The following TEK variants were observed in gnomAD, a reference collection of about 807,000 sequenced individuals.
TEK encodes angiopoietin-1 receptor.
TEK carries 43 observed loss-of-function variants against 131.8 expected under a neutral mutation model. The observed-to-expected ratio is 0.33, with a 90% confidence interval of 0.26 to 0.42. TEK has a LOEUF of 0.42. Among genes scored for constraint, TEK ranks in the 10% least tolerant of loss-of-function variants. TEK has a pLI of 1.00. For missense variants in TEK, 1,162 were observed against 1,384.4 expected (o/e 0.84, Z 2.55); for synonymous variants, 580 against 491.6 (o/e 1.18, Z -2.38).
intron 1 of TEK, among the ~76,000 whole-genome samples, chr9:27,135,762 TA>T (rs61087752): frequency 0.52 from 78,515 of 151,684 alleles, 21,296 homozygotes; most frequent in African/African-American, 0.57. Flanking sequence ...CTTCCTGGTC[TA>T]TCTCAGAGCA....
In TEK at chr9:27,212,826, C is replaced by T; in HGVS notation, c.2806C>T (p.Leu936=). The change falls in exon 17 of 23, where the codon CTG becomes TTG. Residue 936 remains leucine (L), a synonymous_variant. Coordinates refer to ENST00000380036, the MANE Select transcript of TEK (RefSeq NM_000459.5). ...FAIANSTAST[L]SSQQLLHFAA... ...CATTGCCAATAGCACCGCGTCCACA[C>T]TGTCCTCCCAGCAGCTCCTTCACTT... 1.2e-6 allele frequency: 2 copies of T among 1,614,202 alleles called. No homozygotes were observed. Among genetic ancestry groups the T allele is most frequent in the Non-Finnish European group, 8.5e-7 (1 of 1,180,024 alleles).
At chr9:27,119,143 T>C (rs1226274110) in intron 1 of TEK, among the ~76,000 whole-genome samples, 1 of 152,150 alleles carries the variant, frequency 6.6e-6, no homozygotes, top group Non-Finnish European at 1.5e-5. Flanking sequence ...ACCACATGTC[T>C]CAGTAGGAAA....
At chr9:27,166,825 C>T (rs1823748727) in intron 2 of TEK, among the ~76,000 whole-genome samples, 1 of 152,162 alleles carries the variant, frequency 6.6e-6, no homozygotes, top group African/African-American at 2.4e-5. Context: ...GAGCTCCTGT[C>T]TTTTAACATA....
rs147455021 is a variant in TEK at position 27,127,609 on chromosome 9, C to T, written c.52+17967C>T. On this transcript the variant is annotated intron_variant, in intron 1 of 22. Transcript: ENST00000380036. ...TAAACTCCCACCAACAGTGTAAAAACGTTCCTATTTCTCCATATCCTCCAG... is the reference window on the plus strand; with the variant it reads ...TAAACTCCCACCAACAGTGTAAAAATGTTCCTATTTCTCCATATCCTCCAG... 2.6e-3 allele frequency among the ~76,000 whole-genome samples: 403 copies of T among 152,254 alleles called. 1 individual carries two copies. Among genetic ancestry groups the T allele is most frequent in the African/African-American group, 9.1e-3 (379 of 41,550 alleles).
chr9:27,209,067 T>A (rs778356269), intron 15 of TEK, 54 bp from the exon 16 acceptor site: 15 of 1,284,612 alleles, frequency 1.2e-5, no homozygotes, highest in Non-Finnish European at 1.7e-5. Context: ...ACGGGACAGC[T>A]GATTCTGAAA....
intron 15 of TEK, among the ~76,000 whole-genome samples, chr9:27,208,370 A>T (rs939808511): frequency 6.6e-6 from 1 of 151,864 alleles, no homozygotes; most frequent in South Asian, 2.1e-4. Flanking sequence ...AAGCAGCCAT[A>T]GCTCATTGTC....
At chr9:27,122,352 CAG>C (rs1314408087) in intron 1 of TEK, among the ~76,000 whole-genome samples, 1 of 152,014 alleles carries the variant, frequency 6.6e-6, no homozygotes, top group Non-Finnish European at 1.5e-5. Flanking sequence ...GAAGGGAGAA[CAG>C]GATTATGGAA....
intron 1 of TEK, among the ~76,000 whole-genome samples, chr9:27,152,584 T>C (rs1421579135): frequency 1.4e-5 from 2 of 138,330 alleles, no homozygotes; most frequent in East Asian, 4.0e-4. Flanking sequence ...TAAAATCTTA[T>C]ATGAAGCCCC....
intron 8 of TEK, 23 bp downstream of exon 8, chr9:27,183,633 C>T (rs1201345508): frequency 8.1e-6 from 13 of 1,613,518 alleles, no homozygotes; most frequent in Non-Finnish European, 1.1e-5. Context: ...CTTAATTTGC[C>T]CTTCTTAAAG....
In TEK at chr9:27,173,377, C is replaced by T; in HGVS notation, c.901+15C>T. On this transcript the variant is annotated intron_variant, in intron 6 of 22. Transcript: ENST00000380036. ...GTGCAATGAAGGTATGCACCAATCA[C>T]ACCCTTGGACAGAGGATGTTCTAGC... is the stretch of plus-strand genomic sequence containing the variant. 6.2e-7 allele frequency: 1 copy of T among 1,613,696 alleles called. No individual in the cohort carries two copies. The highest frequency in any genetic ancestry group is 8.5e-7 in the Non-Finnish European group (1 of 1,179,736).
intron 1 of TEK, among the ~76,000 whole-genome samples, chr9:27,124,189 T>C (rs1821903232): frequency 6.6e-6 from 1 of 152,266 alleles, no homozygotes; most frequent in South Asian, 2.1e-4. Context: ...TATCAGTTAG[T>C]TGTTGCCATG....
intron 21 of TEK, among the ~76,000 whole-genome samples, chr9:27,227,090 A>AACTT (rs1826365152): frequency 6.6e-6 from 1 of 152,174 alleles, no homozygotes; most frequent in Non-Finnish European, 1.5e-5. Context: ...GTCTTTAAGA[A>AACTT]ACTTATGTTA....
chr9:27,217,652 T>A, intron 18 of TEK, 36 bp from the exon 19 acceptor site: 1 of 1,603,808 alleles, frequency 6.2e-7, no homozygotes, highest in Non-Finnish European at 8.5e-7. Flanking sequence ...AAAGACCCTG[T>A]CCCAGTTAAG....
chr9:27,196,188 C>T (rs1268868980), intron 11 of TEK, among the ~76,000 whole-genome samples: 1 of 152,212 alleles, frequency 6.6e-6, no homozygotes, highest in African/African-American at 2.4e-5. Context: ...CTATCCTTCA[C>T]CATTGTAGAC....
chr9:27,166,396 T>C (rs943100649), intron 2 of TEK, among the ~76,000 whole-genome samples: 1 of 152,260 alleles, frequency 6.6e-6, no homozygotes. Context: ...TTTCTGAAAG[T>C]TTCCACCGTG....
At chr9:27,188,565 C>T (rs761692915) in intron 9 of TEK, among the ~76,000 whole-genome samples, 4 of 152,102 alleles carry the variant, frequency 2.6e-5, no homozygotes, top group African/African-American at 9.7e-5. Flanking sequence ...ACAGCACTGC[C>T]CTCCTTTCTA....
Position 27,217,994 on chromosome 9 carries a change from T to G in TEK, c.3062+236T>G, listed in dbSNP as rs550982. Among the ~76,000 whole-genome samples the G allele has an allele frequency of 0.85, 129,923 of 151,998 alleles. 55,800 individuals carry two copies. Among genetic ancestry groups the G allele is most frequent in the East Asian group, 1 (5,140 of 5,150 alleles). On this transcript the variant is annotated intron_variant, in intron 19 of 22. Coordinates refer to ENST00000380036, the MANE Select transcript of TEK (RefSeq NM_000459.5). ...TCTGCATACTGAAGTTGTGTATTCC[T>G]CATGTGCTTCAAGTTGCGAATTCTC... is the stretch of plus-strand genomic sequence containing the variant.
intron 21 of TEK, among the ~76,000 whole-genome samples, chr9:27,223,044 A>G (rs1265900196): frequency 1.3e-5 from 2 of 152,340 alleles, no homozygotes; most frequent in African/African-American, 2.4e-5. Flanking sequence ...CATAATGGTA[A>G]AGGGATCAAT....
intron 1 of TEK, among the ~76,000 whole-genome samples, chr9:27,157,021 T>G (rs1046011900): frequency 2.0e-5 from 3 of 152,004 alleles, no homozygotes; most frequent in African/African-American, 7.3e-5. Context: ...GAAAGAGAAA[T>G]AGTGAGAAAA....
Sources: allele counts gnomAD v4.1 joint callset (sites outside exome capture counted in the v4.1 genomes callset), GRCh38; gene constraint gnomAD v4.1.1; transcripts MANE v1.5; gene names NCBI Gene and HGNC (gene_info 2026-07-23, HGNC 2026-07-21).